Variants in LINGO2 observed in about 807,000 individuals in gnomAD.
LINGO2 encodes the protein leucine rich repeat and Ig domain containing 2, also known as leucine-rich repeat and immunoglobulin-like domain-containing nogo receptor-interacting protein 2.
A neutral mutation model predicts 30.6 loss-of-function variants in LINGO2; 14 were observed. The observed-to-expected ratio is 0.46, with a 90% CI of 0.30 to 0.72. The LOEUF (loss-of-function observed/expected upper bound fraction) is 0.72. LINGO2 is among the 30% of genes least tolerant of loss of function. The probability of loss-of-function intolerance (pLI) is 0.07; values close to 1 mark genes in which losing one functional copy is unlikely to be tolerated. For synonymous variants in LINGO2, 317 were observed against 288.5 expected (o/e 1.10, Z -1.00); for missense variants, 729 against 751.7 (o/e 0.97, Z 0.35).
At chr9:28,521,337 T>C (rs957871529) in intron 1 of LINGO2, among the ~76,000 whole-genome samples, 2 of 152,204 alleles carry the variant, frequency 1.3e-5, no homozygotes, top group Non-Finnish European at 2.9e-5. Context: ...AGTGAGGGTA[T>C]GAGTACTAAA....
At chr9:28,106,892 T>C (rs1734237834) in intron 4 of LINGO2, among the ~76,000 whole-genome samples, 1 of 152,186 alleles carries the variant, frequency 6.6e-6, no homozygotes, top group Non-Finnish European at 1.5e-5. Context: ...TTACATACTT[T>C]TTCCTTCGCC....
chr9:28,835,764 T>C, the LINGO2 span, among the ~76,000 whole-genome samples: 6 of 152,178 alleles, frequency 3.9e-5, no homozygotes. Flanking sequence ...TTTGCTAAAA[T>C]CCAGCTAATA....
intron 3 of LINGO2, among the ~76,000 whole-genome samples, chr9:28,345,935 T>C (rs2134412560): frequency 6.6e-6 from 1 of 152,326 alleles, no homozygotes; most frequent in South Asian, 2.1e-4. Flanking sequence ...TGGAATTGCC[T>C]AATTTAATTG....
intron 4 of LINGO2, among the ~76,000 whole-genome samples, chr9:28,013,915 ATTTTC>A (rs1049434801): frequency 1.3e-5 from 2 of 152,100 alleles, no homozygotes; most frequent in Admixed American, 6.6e-5. Context: ...CATTGCCGTT[ATTTTC>A]TTTTCAATTC....
the LINGO2 span, among the ~76,000 whole-genome samples, chr9:28,991,800 C>T: frequency 1.2e-4 from 18 of 148,472 alleles, no homozygotes; most frequent in African/African-American, 3.7e-4. Flanking sequence ...AAATACTTTA[C>T]AGACAAGCAA....
the LINGO2 span, among the ~76,000 whole-genome samples, chr9:29,001,816 C>T: frequency 6.6e-6 from 1 of 151,880 alleles, no homozygotes; most frequent in Non-Finnish European, 1.5e-5. Flanking sequence ...AAATAAACTA[C>T]ACAAAGCAGT....
chr9:28,803,114 A>T, the LINGO2 span, among the ~76,000 whole-genome samples: 1 of 152,106 alleles, frequency 6.6e-6, no homozygotes, highest in Admixed American at 6.6e-5. Flanking sequence ...CAGTGCATTT[A>T]GATCTTGTTA....
At chr9:28,232,846 G>A (rs1426811095) in intron 4 of LINGO2, among the ~76,000 whole-genome samples, 2 of 150,948 alleles carry the variant, frequency 1.3e-5, no homozygotes, top group Non-Finnish European at 2.9e-5. Flanking sequence ...ATATAAGTGA[G>A]ATCATGCATC....
the LINGO2 span, among the ~76,000 whole-genome samples, chr9:28,838,427 T>C: frequency 3.7e-4 from 56 of 152,334 alleles, no homozygotes; most frequent in Admixed American, 2.5e-3. Flanking sequence ...CAGTTTTAAC[T>C]TTGAATATGT....
At chr9:29,182,062 A>G in the LINGO2 span, among the ~76,000 whole-genome samples, 1 of 152,188 alleles carries the variant, frequency 6.6e-6, no homozygotes. Context: ...GAAAATTGTT[A>G]TACAGAATAT....
At position 28,376,140 on chromosome 9, in the gene LINGO2, T is replaced by C. The variant is rs150023789; in HGVS notation, c.-278-3272A>G. Among the ~76,000 whole-genome samples, 90 of 150,322 alleles carry C rather than the reference T, an allele frequency of 6.0e-4. 3 individuals carry two copies. Among genetic ancestry groups the C allele is most frequent in the Admixed American group, 5.4e-3 (81 of 14,986 alleles). On this transcript the variant is annotated intron_variant, in intron 2 of 5. Transcript: ENST00000379992. Reference sequence around the variant, plus strand: ...CAAGTGCAGCAGCCTAAAAATAAAATGTTGAGGAGGGGTTCAGATCCCTTA... The same window carrying C: ...CAAGTGCAGCAGCCTAAAAATAAAACGTTGAGGAGGGGTTCAGATCCCTTA...
intron 2 of LINGO2, among the ~76,000 whole-genome samples, chr9:28,467,034 T>TG (rs1217965445): frequency 2.0e-4 from 28 of 143,572 alleles, no homozygotes; most frequent in South Asian, 7.3e-4. Flanking sequence ...CTCTTTTTTT[T>TG]TGGGGGGGGG....
intron 4 of LINGO2, among the ~76,000 whole-genome samples, chr9:28,228,000 TAGTC>T (rs1290246718): frequency 6.6e-6 from 1 of 152,102 alleles, no homozygotes; most frequent in Admixed American, 6.6e-5. Context: ...TATAAATAAA[TAGTC>T]ATTCATAAAT....
Position 28,295,877 on chromosome 9 carries a change from C to G in LINGO2, c.-245-511G>C, listed in dbSNP as rs145965522. On this transcript the variant is annotated intron_variant, in intron 3 of 5. Coordinates refer to ENST00000379992, the Ensembl canonical transcript of LINGO2. ...ATTCCCTGTATAAATGTTGGGTCACCTTTCTAGGATAATGTGTGAGAAACA... is the reference window on the plus strand; with the variant it reads ...ATTCCCTGTATAAATGTTGGGTCACGTTTCTAGGATAATGTGTGAGAAACA... Among the ~76,000 whole-genome samples the G allele has an allele frequency of 3.4e-4, 52 of 152,196 alleles. No individual in the cohort carries two copies. The East Asian group carries it at 9.7e-3, about 28-fold the overall frequency.
At chr9:28,702,186 C>A in the LINGO2 span, among the ~76,000 whole-genome samples, 1 of 151,858 alleles carries the variant, frequency 6.6e-6, no homozygotes, top group Non-Finnish European at 1.5e-5. Flanking sequence ...GTGGGAATAT[C>A]CTTCCCTTGT....
chr9:29,039,814 G>A, the LINGO2 span, among the ~76,000 whole-genome samples: 1 of 152,116 alleles, frequency 6.6e-6, no homozygotes, highest in Non-Finnish European at 1.5e-5. Context: ...AATAGCCAGT[G>A]AACAAAGCGC....
intron 5 of LINGO2, among the ~76,000 whole-genome samples, chr9:27,982,229 C>T (rs935599277): frequency 6.6e-6 from 1 of 151,776 alleles, no homozygotes; most frequent in African/African-American, 2.4e-5. Context: ...GACCCTTTCC[C>T]CAAATGGATG....
the LINGO2 span, among the ~76,000 whole-genome samples, chr9:28,704,420 C>T: frequency 6.6e-6 from 1 of 151,160 alleles, no homozygotes; most frequent in Non-Finnish European, 1.5e-5. Flanking sequence ...ATTTATCCTG[C>T]TTAATGTTCT....
intron 1 of LINGO2, among the ~76,000 whole-genome samples, chr9:28,504,870 G>A (rs1167037149): frequency 2.0e-5 from 3 of 151,732 alleles, no homozygotes; most frequent in Admixed American, 2.0e-4. Flanking sequence ...AGTTAGAAAG[G>A]CTTCATAGAG....
Sources: allele counts gnomAD v4.1 joint callset (sites outside exome capture counted in the v4.1 genomes callset), GRCh38; gene constraint gnomAD v4.1.1; transcripts MANE v1.5; gene names NCBI Gene and HGNC (gene_info 2026-07-23, HGNC 2026-07-21).